Variants in MYOF observed in about 807,000 individuals in gnomAD.
The protein encoded by MYOF is fer-1-like 3, myoferlin.
Under a neutral mutation model 284.2 loss-of-function variants are expected in MYOF, and 244 were observed. The observed-to-expected ratio is 0.86, with a 90% CI of 0.77 to 0.95. The LOEUF (loss-of-function observed/expected upper bound fraction) is 0.95. Ranked by LOEUF, MYOF falls within the 40% of genes least tolerant of loss-of-function variation. The probability of loss-of-function intolerance (pLI) is 0.00; values close to 1 mark genes in which losing one functional copy is unlikely to be tolerated. For synonymous variants in MYOF, 904 were observed against 919.7 expected, an observed-to-expected ratio of 0.98 and a Z score of 0.31; for missense variants, 2,496 against 2,560.6, an observed-to-expected ratio of 0.97 and a Z score of 0.54.
At chr10:93,318,525 G>A (rs1261126429) in intron 49 of MYOF, among the ~76,000 whole-genome samples, 3 of 152,124 alleles carry the variant, frequency 2.0e-5, no homozygotes, top group African/African-American at 7.2e-5. Flanking sequence ...TTGCGGGGCC[G>A]AGGTGGGTGG....
chr10:93,447,770 A>T (rs2056474782), intron 3 of MYOF, among the ~76,000 whole-genome samples: 1 of 152,182 alleles, frequency 6.6e-6, no homozygotes, highest in Non-Finnish European at 1.5e-5. Context: ...GCCCGAAATG[A>T]GTGCCAGGGT....
intron 50 of MYOF, among the ~76,000 whole-genome samples, chr10:93,313,730 G>A (rs111465954): frequency 0.027 from 4,099 of 152,046 alleles, 92 homozygotes; most frequent in East Asian, 0.089. Flanking sequence ...GTGAAACCCC[G>A]TCTCTACTAA....
chr10:93,314,741 T>C (rs787671), intron 50 of MYOF, among the ~76,000 whole-genome samples: 91,480 of 152,028 alleles, frequency 0.6, 28,566 homozygotes, highest in East Asian at 0.9. Flanking sequence ...TGTTGTCTGA[T>C]AGTTTTGTTT....
chr10:93,399,478 G>A lies in MYOF; in HGVS notation c.1135C>T (p.Gln379Ter), dbSNP rs1387697070. The change falls in exon 13 of 54, where the codon CAG (glutamine) becomes TAG (stop). Residue 379 changes from glutamine (Q) to a stop codon, truncating the protein, a stop_gained. Transcript: ENST00000359263. LOFTEE classifies it high-confidence loss of function. Reference sequence around the variant, plus strand: ...CCTCCAAATATTTCCTTTACTGTCTGTGAGAAGGCATCATCCACTGGAAGG... The same window carrying A: ...CCTCCAAATATTTCCTTTACTGTCTATGAGAAGGCATCATCCACTGGAAGG... ...DIPQMDDAFS[Q>*]TVKEIFGGNA... 1.2e-6 allele frequency: 2 copies of A among 1,612,354 alleles called. No individual in the cohort carries two copies. Among genetic ancestry groups the A allele is most frequent in the East Asian group, 2.2e-5 (1 of 44,866 alleles).
intron 13 of MYOF, 24 bp downstream of exon 13, chr10:93,399,368 T>A (rs948982852): frequency 6.6e-7 from 1 of 1,521,850 alleles, no homozygotes; most frequent in East Asian, 2.3e-5. Flanking sequence ...ACTAGCAGCA[T>A]CTGCATTTAG....
At chr10:93,313,975 T>G (rs1263693824) in intron 50 of MYOF, among the ~76,000 whole-genome samples, 1 of 151,934 alleles carries the variant, frequency 6.6e-6, no homozygotes, top group Admixed American at 6.6e-5. Context: ...TAGTAAAACC[T>G]CAGAAACAGA....
chr10:93,311,599 A>G (rs1842397094), intron 51 of MYOF, among the ~76,000 whole-genome samples: 1 of 152,034 alleles, frequency 6.6e-6, no homozygotes, highest in Non-Finnish European at 1.5e-5. Flanking sequence ...TAAAAAAAAA[A>G]AAAAAAGCAA....
chr10:93,406,217 C>T (rs1476632159), intron 7 of MYOF, among the ~76,000 whole-genome samples: 3 of 144,634 alleles, frequency 2.1e-5, no homozygotes, highest in Admixed American at 1.4e-4. Context: ...CCTCGGCCTC[C>T]CAAAGTGCCA....
At chr10:93,308,068 C>T (rs1228040103) in intron 53 of MYOF, among the ~76,000 whole-genome samples, 1 of 149,484 alleles carries the variant, frequency 6.7e-6, no homozygotes, top group Non-Finnish European at 1.5e-5. Flanking sequence ...CATGGTGAAA[C>T]CCCGTCTCTA....
At chr10:93,324,778 C>A (rs893183959) in intron 46 of MYOF, among the ~76,000 whole-genome samples, 2 of 150,218 alleles carry the variant, frequency 1.3e-5, no homozygotes, top group South Asian at 2.1e-4. Context: ...ATTAATATTT[C>A]TTTTTTTCTT....
intron 1 of MYOF, among the ~76,000 whole-genome samples, chr10:93,472,390 G>T (rs772950288): frequency 2.0e-5 from 3 of 152,176 alleles, no homozygotes; most frequent in African/African-American, 7.2e-5. Flanking sequence ...TAAAATCCCA[G>T]CACTTTGGGA....
At chr10:93,478,843 AG>A (rs1272490367) in intron 1 of MYOF, among the ~76,000 whole-genome samples, 89 of 105,270 alleles carry the variant, frequency 8.5e-4, no homozygotes, top group East Asian at 6.7e-3. Context: ...AAAAAAAAAA[AG>A]AAAGAAAGAA....
chr10:93,462,848 C>A (rs188983927), intron 1 of MYOF, among the ~76,000 whole-genome samples: 3 of 151,828 alleles, frequency 2.0e-5, no homozygotes, highest in East Asian at 1.9e-4. Flanking sequence ...AAAGGTTAAA[C>A]CTGCAGGCAC....
chr10:93,347,784 T>TG lies in MYOF; in HGVS notation c.4084-3dup. 1 of 1,607,434 alleles carries TG rather than the reference T, an allele frequency of 6.2e-7. No individual in the cohort carries two copies. Among genetic ancestry groups the TG allele is most frequent in the Non-Finnish European group, 8.5e-7 (1 of 1,175,380 alleles). On this transcript the variant is annotated splice_polypyrimidine_tract_variant and splice_region_variant and intron_variant, in intron 36 of 53. Transcript: ENST00000359263. The stretch of plus-strand genomic sequence containing the variant: ...GTACAATTCCTCCTTGGGCAAGAAC[T>TG]GGGGGTCACAAAGGTAGGTTTCATT...
intron 44 of MYOF, 126 bp downstream of exon 44, chr10:93,329,538 A>T: frequency 1.1e-6 from 1 of 880,604 alleles, no homozygotes; most frequent in South Asian, 1.8e-5. Context: ...CTGCGATTGA[A>T]ATCCATACCT....
chr10:93,370,440 T>C (rs1268314330), intron 24 of MYOF, among the ~76,000 whole-genome samples: 4 of 150,504 alleles, frequency 2.7e-5, no homozygotes, highest in Non-Finnish European at 5.9e-5. Context: ...GCTGCCAGAG[T>C]AGCTGGGATC....
intron 41 of MYOF, among the ~76,000 whole-genome samples, chr10:93,334,115 G>T (rs1287400486): frequency 6.6e-6 from 1 of 152,192 alleles, no homozygotes; most frequent in Non-Finnish European, 1.5e-5. Flanking sequence ...GAGCTCACAG[G>T]GGAGAAGAGA....
At chr10:93,406,916 A>G (rs1446183339) in intron 7 of MYOF, among the ~76,000 whole-genome samples, 1 of 152,180 alleles carries the variant, frequency 6.6e-6, no homozygotes, top group Non-Finnish European at 1.5e-5. Flanking sequence ...GTGGTAAGAC[A>G]GGCCTGGGCT....
intron 2 of MYOF, among the ~76,000 whole-genome samples, chr10:93,455,071 C>T (rs1322517744): frequency 6.7e-6 from 1 of 149,088 alleles, no homozygotes; most frequent in African/African-American, 2.5e-5. Flanking sequence ...GGGTGGATCA[C>T]CTGAGGTCGA....
Sources: allele counts gnomAD v4.1 joint callset (sites outside exome capture counted in the v4.1 genomes callset), GRCh38; gene constraint gnomAD v4.1.1; transcripts MANE v1.5; gene names NCBI Gene and HGNC (gene_info 2026-07-23, HGNC 2026-07-21).